Variants in DISP3 observed in about 807,000 individuals in gnomAD.
The protein encoded by DISP3 is protein dispatched homolog 3.
In DISP3, 101 loss-of-function variants were observed where a neutral mutation model predicts 135.3. The ratio of observed to expected loss-of-function variants is 0.75; its 90% CI spans 0.64 to 0.88. The LOEUF (loss-of-function observed/expected upper bound fraction) is 0.88. Among genes scored for constraint, DISP3 ranks in the 40% least tolerant of loss-of-function variants. The pLI is 0.00. For missense variants in DISP3, 1,713 were observed against 1,878.6 expected, an observed-to-expected ratio of 0.91 and a Z score of 1.63; for synonymous variants, 856 against 817.0, an observed-to-expected ratio of 1.05 and a Z score of -0.81.
intron 1 of DISP3, among the ~76,000 whole-genome samples, chr1:11,496,406 G>A (rs1641335459): frequency 1.3e-5 from 2 of 152,104 alleles, no homozygotes; most frequent in African/African-American, 4.8e-5. Flanking sequence ...AAGGGCATTG[G>A]TCACTGAGAA....
chr1:11,522,838 A>ACCCAGCCAGAGCCCAGCCAGGG (rs1642272573), intron 10 of DISP3, among the ~76,000 whole-genome samples: 2 of 29,212 alleles, frequency 6.8e-5, no homozygotes, highest in Admixed American at 4.1e-4. Flanking sequence ...CCCAGCCAGG[A>ACCCAGCCAGAGCCCAGCCAGGG]CCCAGCCAGA....
At chr1:11,480,227 G>A (rs1050384346) in intron 1 of DISP3, among the ~76,000 whole-genome samples, 2 of 152,160 alleles carry the variant, frequency 1.3e-5, no homozygotes, top group African/African-American at 2.4e-5. Context: ...GCGAGACTGC[G>A]CGCAGGTCTC....
chr1:11,528,560 C>T (rs927578894), intron 13 of DISP3, among the ~76,000 whole-genome samples: 8 of 152,202 alleles, frequency 5.3e-5, no homozygotes, highest in South Asian at 2.1e-4. Flanking sequence ...AAGTAAACAG[C>T]GATATCATTA....
At chr1:11,492,100 C>T (rs1482505279) in intron 1 of DISP3, among the ~76,000 whole-genome samples, 42 of 116,884 alleles carry the variant, frequency 3.6e-4, no homozygotes, top group Admixed American at 2.2e-3. Context: ...CCAGCCTGGG[C>T]GACAGAGCGA....
chr1:11,536,177 C>G lies in DISP3; in HGVS notation c.3817-147C>G. ...CATAGCAACACCTACCTGGTTCCTA[C>G]CCTCCCAACCCTGGGAGGCCACTTG... On this transcript the variant is annotated intron_variant, in intron 20 of 20. Transcript: ENST00000294484. This position sits in a 1 kb window ranked among gnomAD's most constrained non-coding sequence, Gnocchi z 4.3. The G allele has an allele frequency of 8.4e-7, 1 of 1,189,312 alleles. No homozygotes were observed. The highest frequency in any genetic ancestry group is 1.1e-6 in the Non-Finnish European group (1 of 874,676). The allele number at this position is 1,189,312 out of a possible 1,614,324, so 73.7% of individuals were successfully genotyped here.
chr1:11,479,555 CA>C (rs1391681894), intron 1 of DISP3, among the ~76,000 whole-genome samples, 183 bp downstream of exon 1: 2 of 152,220 alleles, frequency 1.3e-5, no homozygotes, highest in Non-Finnish European at 2.9e-5. Context: ...GAAAGACGGT[CA>C]GGGGTGGACA....
chr1:11,530,769 A>AGTT, intron 15 of DISP3, 138 bp from the exon 16 acceptor site: 1 of 1,153,334 alleles, frequency 8.7e-7, no homozygotes, highest in Non-Finnish European at 1.3e-6. Flanking sequence ...GTGGGTGAGC[A>AGTT]GTTGCAGGCT....
At chr1:11,534,990 A>T (rs770412061) in intron 18 of DISP3, 21 bp from the exon 19 acceptor site, 4 of 1,554,754 alleles carry the variant, frequency 2.6e-6, no homozygotes, top group Non-Finnish European at 3.5e-6. Context: ...CAGCGCACTG[A>T]GGCCCTGTCC....
Position 11,519,819 on chromosome 1 carries a change from G to C in DISP3, c.2139G>C (p.Leu713=). 1.9e-6 allele frequency: 3 copies of C among 1,612,700 alleles called. 1 individual carries two copies. The South Asian group carries it at 3.3e-5, about 18-fold the overall frequency. The change falls in exon 9 of 21, where the codon CTG becomes CTC. Residue 713 remains leucine, a synonymous_variant. Transcript: ENST00000294484. This position sits in a 1 kb window ranked among gnomAD's most constrained non-coding sequence, Gnocchi z 4.3. ...GCCGCGGCCATCTCATCGTGCAGCT[G>C]CAGGAGCTGCTGCACCACTGGGTCC... The part of the protein sequence containing the change: ...TGSRGHLIVQ[L]QELLHHWVLW...
chr1:11,502,704 C>T lies in DISP3; in HGVS notation c.1123C>T (p.Pro375Ser), dbSNP rs536543900. ...RGSLELAMTH[P>S]EFYWYVDEGL... is the part of the protein sequence containing the mutation. ...CTCCCTGGAGCTGGCCATGACTCAC[C>T]CTGAGTTCTACTGGTATGTGGATGA... The change falls in exon 3 of 21, where the codon CCT (proline) becomes TCT (serine). Residue 375 changes from proline to serine, a missense_variant. Coordinates refer to ENST00000294484, the MANE Select transcript of DISP3 (RefSeq NM_020780.2). The T allele has an allele frequency of 6.2e-7, 1 of 1,614,100 alleles. No homozygotes were observed. Among genetic ancestry groups the T allele is most frequent in the South Asian group, 1.1e-5 (1 of 91,064 alleles).
chr1:11,509,255 G>T lies in DISP3; in HGVS notation c.1317-5135G>T, dbSNP rs150357598. The stretch of plus-strand genomic sequence containing the variant: ...TTAATTTAATTTCATGATGGTTAGA[G>T]AACATATTTTGTGTGATATAAGTTC... On this transcript the variant is annotated intron_variant, in intron 3 of 20. Coordinates refer to ENST00000294484, the MANE Select transcript of DISP3 (RefSeq NM_020780.2). Among the ~76,000 whole-genome samples the T allele has an allele frequency of 5.9e-5, 9 of 152,048 alleles. No individual in the cohort carries two copies. In the East Asian group the frequency reaches 1.5e-3, roughly 26 times the overall value.
Position 11,513,189 on chromosome 1 carries a change from T to G in DISP3, c.1317-1201T>G, listed in dbSNP as rs545028735. Among the ~76,000 whole-genome samples the G allele has an allele frequency of 5.9e-5, 9 of 152,062 alleles. No homozygotes were observed. In the East Asian group the frequency reaches 1.7e-3, roughly 29 times the overall value. The stretch of plus-strand genomic sequence containing the variant: ...AGTCTAGCTACTCAGGAGGCTGAGG[T>G]GGAAGGATTGTTTGAGCCCAGGAGT... On this transcript the variant is annotated intron_variant, in intron 3 of 20. Coordinates refer to ENST00000294484, the MANE Select transcript of DISP3 (RefSeq NM_020780.2).
At position 11,535,454 on chromosome 1, in the gene DISP3, GCC is replaced by G. The variant is rs552312526; in HGVS notation, c.3650-18_3650-17del. On this transcript the variant is annotated intron_variant, in intron 19 of 20. Coordinates refer to ENST00000294484, the MANE Select transcript of DISP3 (RefSeq NM_020780.2). Reference sequence around the variant, plus strand: ...GCCTCCAGGGCGGGGGATCCGAGCTGCCCCCCCTGCTGTCTCCTTGCAGGCAT... The same window carrying G: ...GCCTCCAGGGCGGGGGATCCGAGCTGCCCCCTGCTGTCTCCTTGCAGGCAT... The G allele has an allele frequency of 3.2e-6, 5 of 1,586,580 alleles. No homozygotes were observed. In the East Asian group the frequency reaches 1.1e-4, roughly 36 times the overall value.
rs200173493 is a variant in DISP3, at chr1:11,526,727, C to T, written c.2690C>T (p.Ala897Val). Residue 897 changes from alanine (A) to valine (V), a missense_variant, in exon 13 of 21, where the codon GCG (alanine) becomes GTG (valine). Ala to Val is a moderately conservative substitution (Grantham distance 64). Coordinates refer to ENST00000294484, the MANE Select transcript of DISP3 (RefSeq NM_020780.2). ...TCTACAGTAGGGCTGCTCCAGGCGG[C>T]GAGCCCCTCCCGCAAGTGGATGCTG... ...CMSTVGLLQAASPSRKWMLTT... is the reference protein window; with the variant it reads ...CMSTVGLLQAVSPSRKWMLTT... The T allele has an allele frequency of 6.8e-6, 11 of 1,613,838 alleles. No individual in the cohort carries two copies. The highest frequency in any genetic ancestry group is 1.1e-5 in the South Asian group (1 of 91,074).
At chr1:11,533,521 T>C (rs1642626724) in intron 17 of DISP3, among the ~76,000 whole-genome samples, 1 of 152,122 alleles carries the variant, frequency 6.6e-6, no homozygotes, top group Admixed American at 6.5e-5. Flanking sequence ...CCTCCCAAAG[T>C]GCGGGGATTA....
Position 11,529,716 on chromosome 1 carries a change from C to G in DISP3, c.2929+30C>G. On this transcript the variant is annotated intron_variant, in intron 14 of 20. Transcript: ENST00000294484. The surrounding 1 kb of genome is among the most constrained non-coding windows in gnomAD (Gnocchi z 4.7). ...GGCAAGGGCACACAGGTGGGGACCT[C>G]AAGAGCTGAGACCTCGGGGCTCAGG... 1.2e-6 allele frequency: 2 copies of G among 1,600,634 alleles called. No homozygotes were observed. Among genetic ancestry groups the G allele is most frequent in the South Asian group, 2.2e-5 (2 of 90,534 alleles).
intron 1 of DISP3, among the ~76,000 whole-genome samples, chr1:11,492,603 A>C (rs1641219971): frequency 6.6e-6 from 1 of 151,738 alleles, no homozygotes; most frequent in Non-Finnish European, 1.5e-5. Flanking sequence ...TTTTCTTTGC[A>C]GAGAGGAATG....
chr1:11,527,842 C>G (rs190975537), intron 13 of DISP3, among the ~76,000 whole-genome samples: 91 of 152,292 alleles, frequency 6.0e-4, no homozygotes, highest in African/African-American at 2.0e-3. Flanking sequence ...GTCCAAAAGT[C>G]ACCTCTTGGG....
chr1:11,521,269 A>G (rs1428736696), intron 10 of DISP3, among the ~76,000 whole-genome samples: 1 of 87,338 alleles, frequency 1.1e-5, no homozygotes, highest in Non-Finnish European at 2.2e-5. Context: ...AGGAAAGAAG[A>G]GGGGTCAACC....
Sources: allele counts gnomAD v4.1 joint callset (sites outside exome capture counted in the v4.1 genomes callset), GRCh38; gene constraint gnomAD v4.1.1; non-coding constraint Gnocchi (gnomAD v3.1); transcripts MANE v1.5; gene names NCBI Gene and HGNC (gene_info 2026-07-23, HGNC 2026-07-21).